The following TLN2 variants were observed in gnomAD, a reference collection of about 807,000 sequenced individuals.
The protein encoded by TLN2 is talin-2.
TLN2 carries 118 observed loss-of-function variants against 294.7 expected under a neutral mutation model. That is an observed-to-expected ratio of 0.40 (90% confidence interval 0.34 to 0.47). TLN2 has a LOEUF of 0.47. Ranked by LOEUF, TLN2 falls within the 20% of genes least tolerant of loss-of-function variation. The pLI, the probability that TLN2 is intolerant of heterozygous loss-of-function variation, is 0.84. For synonymous variants in TLN2, 1,431 were observed against 1,304.5 expected (o/e 1.10, Z -2.09); for missense variants, 3,083 against 3,282.2 (o/e 0.94, Z 1.48).
chr15:62,504,550 A>G (rs944706499), intron 1 of TLN2, among the ~76,000 whole-genome samples: 4 of 152,232 alleles, frequency 2.6e-5, no homozygotes, highest in African/African-American at 9.7e-5. Context: ...ATTTTCATCA[A>G]AGGGGCCACT....
chr15:62,739,746 C>T (rs1247497338), intron 31 of TLN2, among the ~76,000 whole-genome samples: 1 of 152,132 alleles, frequency 6.6e-6, no homozygotes, highest in Non-Finnish European at 1.5e-5. Context: ...GCATGAGGTG[C>T]TGTTAGTAAT....
intron 1 of TLN2, among the ~76,000 whole-genome samples, chr15:62,495,321 A>G (rs2038960975): frequency 6.6e-6 from 1 of 152,230 alleles, no homozygotes; most frequent in Non-Finnish European, 1.5e-5. Context: ...TGATCCACTG[A>G]TGGTTGAGAA....
intron 1 of TLN2, among the ~76,000 whole-genome samples, chr15:62,547,524 T>G (rs1225834539): frequency 6.6e-6 from 1 of 152,216 alleles, no homozygotes; most frequent in Non-Finnish European, 1.5e-5. Flanking sequence ...ATCTCACAGA[T>G]GTACTCCCAG....
At chr15:62,698,444 T>C (rs2058504580) in intron 15 of TLN2, among the ~76,000 whole-genome samples, 1 of 152,224 alleles carries the variant, frequency 6.6e-6, no homozygotes, top group Non-Finnish European at 1.5e-5. Flanking sequence ...TCCTCAGTAC[T>C]CAAAGATTGG....
chr15:62,497,552 C>G (rs947189018), intron 1 of TLN2, among the ~76,000 whole-genome samples: 1 of 152,192 alleles, frequency 6.6e-6, no homozygotes, highest in African/African-American at 2.4e-5. Flanking sequence ...ATCCAGCAGG[C>G]ATTTTTGTTG....
chr15:62,511,128 T>G (rs1305453650), intron 1 of TLN2, among the ~76,000 whole-genome samples: 1 of 152,254 alleles, frequency 6.6e-6, no homozygotes, highest in Non-Finnish European at 1.5e-5. Flanking sequence ...TTGTACTGTT[T>G]CAAGCTGTTT....
intron 19 of TLN2, among the ~76,000 whole-genome samples, chr15:62,703,454 A>G (rs2058844127): frequency 6.6e-6 from 1 of 151,822 alleles, no homozygotes; most frequent in Non-Finnish European, 1.5e-5. Context: ...AGAAGGGAGG[A>G]AATATTAATA....
At chr15:62,522,459 T>G (rs2040509330) in intron 1 of TLN2, among the ~76,000 whole-genome samples, 1 of 152,194 alleles carries the variant, frequency 6.6e-6, no homozygotes, top group Non-Finnish European at 1.5e-5. Flanking sequence ...GCTGAAGCAT[T>G]GGCACAACTG....
intron 30 of TLN2, 38 bp from the exon 31 acceptor site, chr15:62,739,310 C>T (rs888349549): frequency 1.9e-6 from 3 of 1,585,018 alleles, no homozygotes; most frequent in Non-Finnish European, 2.6e-6. Flanking sequence ...CCCTGCAAAG[C>T]AGAATGTCTC....
In TLN2 at chr15:62,582,532, A is replaced by C. The variant is rs117964130; in HGVS notation, c.-237-7155A>C. Among the ~76,000 whole-genome samples, 931 of 152,330 alleles carry C rather than the reference A, an allele frequency of 6.1e-3. 9 individuals are homozygous for C. Among genetic ancestry groups the C allele is most frequent in the Non-Finnish European group, 8.3e-3 (562 of 68,022 alleles). ...GTGGTCAATGAAGTCTCCTTGGAGC[A>C]GGTGGAACTTGATGGACAGCTAGAT... On this transcript the variant is annotated intron_variant, in intron 1 of 58. Transcript: ENST00000636159.
chr15:62,444,658 C>T (rs1055989192), intron 1 of TLN2, among the ~76,000 whole-genome samples: 25 of 152,322 alleles, frequency 1.6e-4, no homozygotes, highest in African/African-American at 6.0e-4. Flanking sequence ...AATGGTGAGG[C>T]GTGTTGGAGT....
At chr15:62,427,658 C>T (rs375921466) in intron 1 of TLN2, among the ~76,000 whole-genome samples, 6 of 152,156 alleles carry the variant, frequency 3.9e-5, no homozygotes, top group African/African-American at 9.7e-5. Context: ...GCCCTCCAGA[C>T]GATGCCCTTG....
Position 62,796,170 on chromosome 15 carries a change from C to A in TLN2, c.5927C>A (p.Thr1976Asn). 6 of 1,614,246 alleles carry A rather than the reference C, an allele frequency of 3.7e-6. No homozygotes were observed. The highest frequency in any genetic ancestry group is 5.1e-6 in the Non-Finnish European group (6 of 1,180,046). ...GCTCTCCAGGCCGGGAACAAAGGAA[C>A]CCAGGCATGCATTACAGCCGCCACC... is the stretch of plus-strand genomic sequence containing the variant. The part of the protein sequence containing the change: ...LSALQAGNKG[T>N]QACITAATAV... Residue 1976 changes from threonine (T) to asparagine (N), a missense_variant, in exon 47 of 59, where the codon ACC (threonine) becomes AAC (asparagine). Coordinates refer to ENST00000636159, the MANE Select transcript of TLN2 (RefSeq NM_015059.3).
At chr15:62,460,727 A>T (rs1041894849) in intron 1 of TLN2, among the ~76,000 whole-genome samples, 1 of 152,164 alleles carries the variant, frequency 6.6e-6, no homozygotes, top group African/African-American at 2.4e-5. Context: ...CTCTCTTTGC[A>T]ATGAAGTTTT....
In TLN2 at chr15:62,775,014, TG is replaced by T. The variant is rs1274873635; in HGVS notation, c.5368-1746del. Among the ~76,000 whole-genome samples the T allele has an allele frequency of 2.8e-5, 4 of 141,208 alleles. No homozygotes were observed. The East Asian group carries it at 8.7e-4, about 31-fold the overall frequency. The allele number at this position is 141,208 out of a possible 152,430, so 92.6% of individuals were successfully genotyped here. A position where few individuals can be genotyped will look rare whatever the true frequency, so the allele number is the denominator to read the frequency against. ...CTCTGTTGCCCAGGCTGGAGTGCAG[TG>T]GGGCGATCTCAGCTCACTGCAAGCT... On this transcript the variant is annotated intron_variant, in intron 42 of 58. Coordinates refer to ENST00000636159, the MANE Select transcript of TLN2 (RefSeq NM_015059.3).
At chr15:62,457,916 A>C (rs1187081854) in intron 1 of TLN2, among the ~76,000 whole-genome samples, 1 of 152,132 alleles carries the variant, frequency 6.6e-6, no homozygotes, top group African/African-American at 2.4e-5. Flanking sequence ...GCTTGTCGTG[A>C]CTTATTTACC....
chr15:62,751,787 G>A (rs369972454), intron 34 of TLN2, among the ~76,000 whole-genome samples: 2 of 152,214 alleles, frequency 1.3e-5, no homozygotes, highest in East Asian at 1.9e-4. Context: ...AGCTGTGATT[G>A]TAAAGATCTC....
At chr15:62,764,783 A>G (rs1396642048) in intron 40 of TLN2, among the ~76,000 whole-genome samples, 2 of 152,044 alleles carry the variant, frequency 1.3e-5, no homozygotes, top group Non-Finnish European at 1.5e-5. Flanking sequence ...CCTGGCCAAC[A>G]TGGTGAAATC....
chr15:62,498,722 G>T (rs946846884), intron 1 of TLN2, among the ~76,000 whole-genome samples: 1 of 142,878 alleles, frequency 7.0e-6, no homozygotes, highest in African/African-American at 2.8e-5. Flanking sequence ...CACAAAATTT[G>T]CTTCTTAGGA....
Sources: gnomAD v4.1 joint callset for allele counts (sites outside exome capture counted in the v4.1 genomes callset) on GRCh38, gnomAD v4.1.1 for gene constraint, MANE v1.5 for transcripts, NCBI Gene and HGNC (gene_info 2026-07-23, HGNC 2026-07-21) for gene names.